NAPB: variants seen among roughly 807,000 people sequenced by gnomAD.
The protein encoded by NAPB is beta-soluble NSF attachment protein.
In NAPB, 26 loss-of-function variants were observed where a neutral mutation model predicts 44.7. That is an observed-to-expected ratio of 0.58 (90% CI 0.43 to 0.81). NAPB has a LOEUF of 0.81. NAPB is among the 30% of genes least tolerant of loss of function. NAPB has a pLI of 0.00. For synonymous variants in NAPB, 120 were observed against 116.8 expected, an observed-to-expected ratio of 1.03 and a Z score of -0.18; for missense variants, 315 against 356.4, an observed-to-expected ratio of 0.88 and a Z score of 0.94.
chr20:23,415,410 A>G (rs889167610), intron 1 of NAPB, among the ~76,000 whole-genome samples: 4 of 152,110 alleles, frequency 2.6e-5, no homozygotes, highest in Non-Finnish European at 4.4e-5. Flanking sequence ...CCTGGCCAAC[A>G]TGGTGAAACC....
At chr20:23,405,398 T>C (rs1405117604) in intron 1 of NAPB, among the ~76,000 whole-genome samples, 3 of 152,030 alleles carry the variant, frequency 2.0e-5, no homozygotes, top group Non-Finnish European at 2.9e-5. Context: ...AAAACTTGTA[T>C]GCAACTGTTC....
At chr20:23,379,780 A>T (rs1237531917) in intron 9 of NAPB, 87 bp downstream of exon 9, 1 of 1,004,842 alleles carries the variant, frequency 1.0e-6, no homozygotes, top group Non-Finnish European at 1.5e-6. Context: ...TTTATAGATT[A>T]AAACTTCACT....
intron 7 of NAPB, among the ~76,000 whole-genome samples, chr20:23,388,000 T>C (rs1004660635): frequency 6.6e-6 from 1 of 152,112 alleles, no homozygotes; most frequent in African/African-American, 2.4e-5. Flanking sequence ...CTGAATAAAA[T>C]AAAAGGTTAA....
At chr20:23,416,009 C>G (rs1985982730) in intron 1 of NAPB, among the ~76,000 whole-genome samples, 1 of 152,166 alleles carries the variant, frequency 6.6e-6, no homozygotes, top group Non-Finnish European at 1.5e-5. Context: ...GCGACTTAAA[C>G]TCTCCTTTAC....
chr20:23,405,871 G>A (rs1985215859), intron 1 of NAPB, among the ~76,000 whole-genome samples: 1 of 152,220 alleles, frequency 6.6e-6, no homozygotes, highest in African/African-American at 2.4e-5. Flanking sequence ...CAGGTCTACA[G>A]TAGGCAAATT....
chr20:23,375,676 C>T lies in NAPB; in HGVS notation c.*1700G>A, dbSNP rs1203566447. On this transcript the variant is annotated 3_prime_UTR_variant, in exon 11 of 11. Transcript: ENST00000377026. The stretch of plus-strand genomic sequence containing the variant: ...AACTTGGAAGGAAGGAGGAAATCCA[C>T]ATTAAATTCTAGGGCCCAACAGACA... 2 of 152,220 alleles carry T rather than the reference C, an allele frequency of 1.3e-5. No homozygotes were observed. Among genetic ancestry groups the T allele is most frequent in the African/African-American group, 2.4e-5 (1 of 41,424 alleles). 9.4% of individuals were successfully genotyped at this position (152,220 alleles called of 1,614,324 possible).
chr20:23,409,971 G>A (rs557049806), intron 1 of NAPB, among the ~76,000 whole-genome samples: 24 of 152,250 alleles, frequency 1.6e-4, no homozygotes, highest in Admixed American at 4.6e-4. Context: ...TACCAGGGTG[G>A]GCAAACACCC....
intron 1 of NAPB, among the ~76,000 whole-genome samples, chr20:23,414,834 T>C (rs1189414246): frequency 1.3e-5 from 2 of 152,198 alleles, no homozygotes; most frequent in East Asian, 1.9e-4. Context: ...CCTCATTGCA[T>C]AGATATGCTT....
chr20:23,408,491 G>A (rs1203792413), intron 1 of NAPB, among the ~76,000 whole-genome samples: 1 of 152,138 alleles, frequency 6.6e-6, no homozygotes, highest in Non-Finnish European at 1.5e-5. Context: ...CTGTCTGAAC[G>A]TGCCTCTGCC....
In NAPB at chr20:23,384,881, A is replaced by G. The variant is rs544687027; in HGVS notation, c.562-3564T>C. The stretch of plus-strand genomic sequence containing the variant: ...ATGCCTGCAATCCCAGCACTTTGGG[A>G]GGCCAAGGCGGGTGTATCACCGAGG... On this transcript the variant is annotated intron_variant, in intron 7 of 10. Transcript: ENST00000377026. Among the ~76,000 whole-genome samples, 9 of 152,314 alleles carry G rather than the reference A, an allele frequency of 5.9e-5. No homozygotes were observed. In the South Asian group the frequency reaches 1.4e-3, roughly 25 times the overall value.
rs200666404 is a variant in NAPB, at chr20:23,406,322, T to C, written c.99-3250A>G. Among the ~76,000 whole-genome samples the C allele has an allele frequency of 3.3e-5, 5 of 152,286 alleles. No homozygotes were observed. In the East Asian group the frequency reaches 9.6e-4, roughly 29 times the overall value. On this transcript the variant is annotated intron_variant, in intron 1 of 10. Coordinates refer to ENST00000377026, the MANE Select transcript of NAPB (RefSeq NM_022080.3). ...GAGGTGAGGGAAAATGACAGCTAAA[T>C]GGTACAGGGTTTCTTTCTGGGGTGA...
chr20:23,388,161 G>A (rs935398988), intron 7 of NAPB, among the ~76,000 whole-genome samples: 16 of 152,134 alleles, frequency 1.1e-4, no homozygotes, highest in Admixed American at 7.2e-4. Flanking sequence ...TGGCTCTCCT[G>A]GGTCTTCAGA....
rs752881518 is a variant in NAPB, at chr20:23,421,445, G to A, written c.-43C>T. The A allele has an allele frequency of 3.1e-5, 47 of 1,520,764 alleles. 2 individuals are homozygous for A. Among genetic ancestry groups the A allele is most frequent in the South Asian group, 1.5e-4 (12 of 82,754 alleles). The allele number at this position is 1,520,764 out of a possible 1,614,324, so 94.2% of individuals were successfully genotyped here. ...CCACAGCCCCCTCAGCCGGCTCGCT[G>A]TGCGCCCAGGCGCCTTAACCCTCCC... is the stretch of plus-strand genomic sequence containing the variant. On this transcript the variant is annotated 5_prime_UTR_variant, in exon 1 of 11. Transcript: ENST00000377026.
chr20:23,409,088 CATTT>C (rs895608872), intron 1 of NAPB, among the ~76,000 whole-genome samples: 5 of 152,282 alleles, frequency 3.3e-5, no homozygotes, highest in African/African-American at 1.2e-4. Context: ...TGAACAGTAT[CATTT>C]ATTTACCAGC....
At chr20:23,385,652 G>A (rs972439043) in intron 7 of NAPB, among the ~76,000 whole-genome samples, 1 of 151,976 alleles carries the variant, frequency 6.6e-6, no homozygotes, top group African/African-American at 2.4e-5. Context: ...GTGGAGGGTT[G>A]CAGTGAGCTG....
chr20:23,378,014 G>A (rs6083100), intron 10 of NAPB, among the ~76,000 whole-genome samples: 45,162 of 151,890 alleles, frequency 0.3, 6,741 homozygotes, highest in Middle Eastern at 0.37. Context: ...GGAGGCTACT[G>A]AGAAATTTGC....
chr20:23,410,262 G>A lies in NAPB; in HGVS notation c.99-7190C>T, dbSNP rs141138907. Reference sequence around the variant, plus strand: ...CCGCACTTAACTGTACCTACACAACGCAGCATTTAAACTAAGAAACCCATG... The same window carrying A: ...CCGCACTTAACTGTACCTACACAACACAGCATTTAAACTAAGAAACCCATG... On this transcript the variant is annotated intron_variant, in intron 1 of 10. Transcript: ENST00000377026. 4.9e-3 allele frequency among the ~76,000 whole-genome samples: 745 copies of A among 152,198 alleles called. 8 individuals carry two copies. Among genetic ancestry groups the A allele is most frequent in the African/African-American group, 0.017 (708 of 41,524 alleles).
intron 2 of NAPB, among the ~76,000 whole-genome samples, chr20:23,401,843 T>G (rs893928345): frequency 3.9e-5 from 6 of 152,224 alleles, no homozygotes; most frequent in Non-Finnish European, 8.8e-5. Context: ...ATTGTACCAC[T>G]GCACTCTAGC....
At chr20:23,378,720 G>A (rs1475734215) in intron 10 of NAPB, 1 of 151,420 alleles carries the variant, frequency 6.6e-6, no homozygotes, top group Non-Finnish European at 1.5e-5. Flanking sequence ...AGGATTATAG[G>A]TGTGAGCCAC....
Sources: gnomAD v4.1 joint callset for allele counts (sites outside exome capture counted in the v4.1 genomes callset) on GRCh38, gnomAD v4.1.1 for gene constraint, MANE v1.5 for transcripts, NCBI Gene and HGNC (gene_info 2026-07-23, HGNC 2026-07-21) for gene names.